The following SPANXN3 variants were observed in gnomAD, a reference collection of about 807,000 sequenced individuals.
SPANXN3 encodes SPANX family member N3, also known as sperm protein associated with the nucleus on the X chromosome N3.
SPANXN3 carries 1 observed loss-of-function variant against 1.9 expected under a neutral mutation model. The ratio of observed to expected loss-of-function variants is 0.54; its 90% CI spans 0.19 to 2.54. SPANXN3 has a LOEUF of 2.54. Among genes scored for constraint, SPANXN3 ranks in the 30% most tolerant of loss-of-function variants. SPANXN3 has a pLI of 0.24. For synonymous variants in SPANXN3, 47 were observed against 40.0 expected, an observed-to-expected ratio of 1.17 and a Z score of -0.66; for missense variants, 113 against 96.2, an observed-to-expected ratio of 1.17 and a Z score of -0.73.
chrX:143,510,645 G>T (rs781974266), intron 1 of SPANXN3, among the ~76,000 whole-genome samples: 4 of 111,605 alleles, frequency 3.6e-5, no homozygotes, highest in African/African-American at 1.3e-4. Context: ...GCTTATCTCC[G>T]CTCATGCCTC....
Position 143,509,106 on chromosome X carries a change from T to G in SPANXN3, c.135A>C (p.Lys45Asn), listed in dbSNP as rs1371130945. The G allele has an allele frequency of 1.7e-6, 2 of 1,210,071 alleles. No individual in the cohort carries two copies. The highest frequency in any genetic ancestry group is 2.2e-6 in the Non-Finnish European group (2 of 895,209). The change falls in exon 2 of 2, where the codon AAA becomes AAC. Residue 45 changes from lysine to asparagine, a missense_variant. Physicochemically the swap from Lys to Asn is moderately conservative, Grantham distance 94 (BLOSUM62 0). Coordinates refer to ENST00000370503, the MANE Select transcript of SPANXN3 (RefSeq NM_001009609.4). Reference sequence around the variant, plus strand: ...CAAATATTATTGGATATTCTGATGTTTTTGTGTTCTTCAAACTCTGTTCGG... The same window carrying G: ...CAAATATTATTGGATATTCTGATGTGTTTGTGTTCTTCAAACTCTGTTCGG... ...LAPEQSLKNT[K>N]TSEYPIIFVY... is the part of the protein sequence containing the mutation.
At chrX:143,514,071 T>C (rs1167757872) in intron 1 of SPANXN3, among the ~76,000 whole-genome samples, 1 of 112,132 alleles carries the variant, frequency 8.9e-6, no homozygotes, top group Non-Finnish European at 1.9e-5. Context: ...CATAAGCTGC[T>C]GGGGGTGGAT....
chrX:143,516,191 T>C (rs1929212080), intron 1 of SPANXN3, among the ~76,000 whole-genome samples: 1 of 112,467 alleles, frequency 8.9e-6, no homozygotes, highest in South Asian at 3.7e-4. Context: ...GGGGCTACCC[T>C]TGCTGGCAGC....
At position 143,517,380 on chromosome X, in the gene SPANXN3, T is replaced by G. The variant is rs782079875; in HGVS notation, c.12A>C (p.Pro4=). 28 of 1,209,782 alleles carry G rather than the reference T, an allele frequency of 2.3e-5. No individual in the cohort carries two copies. Among genetic ancestry groups the G allele is most frequent in the Non-Finnish European group, 2.8e-5 (25 of 895,124 alleles). ...TCTTCTCCCCATTGGTGCTGGAAGT[T>G]GGCTGTTCCATGATTCTGGTTGGTT... MEQ[P]TSSTNGEKTK... Residue 4 remains proline (P), a synonymous_variant, in exon 1 of 2, where the codon CCA becomes CCC. Transcript: ENST00000370503.
rs782775145 is a variant in SPANXN3, at chrX:143,509,657, A to G, written c.79-495T>C. On this transcript the variant is annotated intron_variant, in intron 1 of 1. Coordinates refer to ENST00000370503, the MANE Select transcript of SPANXN3 (RefSeq NM_001009609.4). Reference sequence around the variant, plus strand: ...TGATATTCCACTGGAAAAAGGGCCAAACCACCTGATCATAAGAACATCTTA... The same window carrying G: ...TGATATTCCACTGGAAAAAGGGCCAGACCACCTGATCATAAGAACATCTTA... 231 of 120,701 alleles carry G rather than the reference A, an allele frequency of 1.9e-3. 1 individual carries two copies. The highest frequency in any genetic ancestry group is 7.0e-3 in the African/African-American group (212 of 30,497). The allele number at this position is 120,701 out of a possible 1,213,427, so 9.9% of individuals were successfully genotyped here.
Position 143,508,995 on chromosome X carries a change from T to G in SPANXN3, c.246A>C (p.Gln82His). 4 of 1,211,995 alleles carry G rather than the reference T, an allele frequency of 3.3e-6. No homozygotes were observed. Among genetic ancestry groups the G allele is most frequent in the Non-Finnish European group, 4.5e-6 (4 of 895,568 alleles). ...QSQENSINPI[Q>H]KEEDEGVDLS... The stretch of plus-strand genomic sequence containing the variant: ...AGTCTACGCCTTCGTCCTCCTCCTT[T>G]TGGATTGGATTGATGGAGTTCTCTT... The change falls in exon 2 of 2, where the codon CAA becomes CAC. Residue 82 changes from glutamine to histidine, a missense_variant. Gln to His is a conservative substitution (Grantham distance 24). Transcript: ENST00000370503.
chrX:143,515,117 C>G (rs1269434363), intron 1 of SPANXN3, among the ~76,000 whole-genome samples: 1 of 110,598 alleles, frequency 9.0e-6, no homozygotes, highest in East Asian at 2.9e-4. Flanking sequence ...ATACTCCGCC[C>G]TGTCCCTACA....
chrX:143,511,703 C>A (rs782811969), intron 1 of SPANXN3, among the ~76,000 whole-genome samples: 39 of 111,702 alleles, frequency 3.5e-4, no homozygotes, highest in Non-Finnish European at 1.5e-4. Flanking sequence ...ATAAGTGCAT[C>A]CAACAGGGAC....
intron 1 of SPANXN3, among the ~76,000 whole-genome samples, chrX:143,515,321 C>T (rs1166251176): frequency 9.0e-6 from 1 of 111,560 alleles, no homozygotes; most frequent in Non-Finnish European, 1.9e-5. Context: ...ATATTATTCT[C>T]CTTCCCCGAC....
rs1446894195 is a variant in SPANXN3 at position 143,509,143 on chromosome X, C to T, written c.98G>A (p.Arg33Lys). The T allele has an allele frequency of 1.2e-5, 14 of 1,205,371 alleles. No individual in the cohort carries two copies. Among genetic ancestry groups the T allele is most frequent in the Admixed American group, 8.8e-5 (4 of 45,361 alleles). ...CAAACTCTGTTCGGGGGCTAAGACT[C>T]TGTTTGGTACCTCTTGCATCTGGTA... Reference protein sequence around the residue: ...KNDEMQEVPNRVLAPEQSLKN... With the variant: ...KNDEMQEVPNKVLAPEQSLKN... The change falls in exon 2 of 2, where the codon AGA becomes AAA. Residue 33 changes from arginine to lysine, a missense_variant. Transcript: ENST00000370503.
intron 1 of SPANXN3, among the ~76,000 whole-genome samples, chrX:143,512,393 G>A (rs1188107609): frequency 1.8e-5 from 2 of 111,185 alleles, no homozygotes; most frequent in Non-Finnish European, 3.8e-5. Flanking sequence ...TAATCCAGCC[G>A]TGCTTAGGGG....
intron 1 of SPANXN3, among the ~76,000 whole-genome samples, chrX:143,514,403 C>T (rs2124258676): frequency 8.9e-6 from 1 of 112,044 alleles, no homozygotes; most frequent in Non-Finnish European, 1.9e-5. Flanking sequence ...AAATTATATA[C>T]ATTCTTCTGC....
At chrX:143,517,100 T>C (rs1241214846) in intron 1 of SPANXN3, among the ~76,000 whole-genome samples, 1 of 110,770 alleles carries the variant, frequency 9.0e-6, no homozygotes, top group Admixed American at 9.6e-5. Flanking sequence ...AAACATCTTA[T>C]CAATATCCTG....
chrX:143,508,844 C>T lies in SPANXN3; in HGVS notation c.397G>A (p.Gly133Arg). ...TCCTCCCCACTGTCCTGTGAAGATC[C>T]TTCAGATAAGCCTAGGTCTTCATCC... ...QEDEDLGLSEGSSQDSGED is the reference protein window; with the variant it reads ...QEDEDLGLSERSSQDSGED The change falls in exon 2 of 2, where the codon GGA (glycine) becomes AGA (arginine). Residue 133 changes from glycine (G) to arginine (R), a missense_variant. By Grantham distance (125) the Gly-to-Arg change is moderately radical (BLOSUM62 -2). Coordinates refer to ENST00000370503, the MANE Select transcript of SPANXN3 (RefSeq NM_001009609.4). 5.8e-6 allele frequency: 7 copies of T among 1,211,294 alleles called. No individual in the cohort carries two copies. Among genetic ancestry groups the T allele is most frequent in the Non-Finnish European group, 7.8e-6 (7 of 895,126 alleles).
At chrX:143,509,919 G>A (rs1304364815) in intron 1 of SPANXN3, among the ~76,000 whole-genome samples, 1 of 111,006 alleles carries the variant, frequency 9.0e-6, no homozygotes, top group Non-Finnish European at 1.9e-5. Flanking sequence ...GACGGTGATT[G>A]GGTTCTAATG....
intron 1 of SPANXN3, among the ~76,000 whole-genome samples, chrX:143,510,962 G>T (rs782471552): frequency 1.7e-4 from 19 of 111,564 alleles, no homozygotes; most frequent in Non-Finnish European, 3.2e-4. Flanking sequence ...TTCCCTTGCA[G>T]GAGGTTGCAA....
chrX:143,509,188 G>C, intron 1 of SPANXN3, 26 bp from the exon 2 acceptor site: 1 of 1,153,303 alleles, frequency 8.7e-7, no homozygotes, highest in African/African-American at 1.8e-5. Context: ...GGAGAGGCCA[G>C]AAAGACATTA....
rs782488830 is a variant in SPANXN3 at position 143,517,430 on chromosome X, G to A, written c.-39C>T. 6.0e-6 allele frequency: 7 copies of A among 1,174,714 alleles called. No individual in the cohort carries two copies. The highest frequency in any genetic ancestry group is 3.0e-5 in the East Asian group (1 of 33,525). On this transcript the variant is annotated 5_prime_UTR_variant, in exon 1 of 2. Coordinates refer to ENST00000370503, the MANE Select transcript of SPANXN3 (RefSeq NM_001009609.4). ...TGTAGAATGTCTATAGTAGGCTCCT[G>A]TAGACTGCAGACTTCCACAGCTATG...
chrX:143,509,705 G>C (rs1237182173), intron 1 of SPANXN3: 7 of 118,140 alleles, frequency 5.9e-5, no homozygotes, highest in African/African-American at 2.3e-4. Context: ...TGGGCAGCAA[G>C]CCATACTGCC....
Sources: gnomAD v4.1 joint callset for allele counts (sites outside exome capture counted in the v4.1 genomes callset) on GRCh38, gnomAD v4.1.1 for gene constraint, MANE v1.5 for transcripts, NCBI Gene and HGNC (gene_info 2026-07-23, HGNC 2026-07-21) for gene names.